Variants in PLCXD2 observed in about 807,000 individuals in gnomAD.
PLCXD2 encodes the protein PI-PLC X domain-containing protein 2.
A neutral mutation model predicts 28.6 loss-of-function variants in PLCXD2; 21 were observed. The observed-to-expected ratio is 0.73, with a 90% CI of 0.52 to 1.06. PLCXD2 has a LOEUF of 1.06. PLCXD2 is among the 50% of genes least tolerant of loss of function. PLCXD2 has a pLI of 0.00. For synonymous variants in PLCXD2, 140 were observed against 150.1 expected, an observed-to-expected ratio of 0.93 and a Z score of 0.49; for missense variants, 369 against 376.7, an observed-to-expected ratio of 0.98 and a Z score of 0.17.
At chr3:111,707,453 G>T (rs1941136941) in intron 1 of PLCXD2, among the ~76,000 whole-genome samples, 1 of 152,078 alleles carries the variant, frequency 6.6e-6, no homozygotes, top group African/African-American at 2.4e-5. Flanking sequence ...GAATAAAGTG[G>T]ATATACCACA....
chr3:111,722,565 C>T (rs921896059), intron 3 of PLCXD2: 4 of 152,330 alleles, frequency 2.6e-5, no homozygotes, highest in Non-Finnish European at 4.4e-5. Flanking sequence ...GAAATGTGTG[C>T]ACTTTGTTGC....
chr3:111,690,643 C>T (rs995003075), intron 1 of PLCXD2, among the ~76,000 whole-genome samples: 2 of 152,190 alleles, frequency 1.3e-5, no homozygotes, highest in Admixed American at 1.3e-4. Flanking sequence ...TTTAAGCCCA[C>T]CATTTCATGT....
rs59865042 is a variant in PLCXD2 at position 111,719,573 on chromosome 3, G to A, written c.866+5445G>A. Among the ~76,000 whole-genome samples, 614 of 152,290 alleles carry A rather than the reference G, an allele frequency of 4.0e-3. 4 individuals are homozygous for A. The highest frequency in any genetic ancestry group is 0.013 in the African/African-American group (553 of 41,558). ...CTCTTCATTGATTTTGAAAGGCAAC[G>A]AACTACTGATACATGCAGCAACGTG... On this transcript the variant is annotated intron_variant, in intron 3 of 4. Transcript: ENST00000477665.
chr3:111,683,622 A>G (rs1940749688), intron 1 of PLCXD2, among the ~76,000 whole-genome samples: 1 of 152,196 alleles, frequency 6.6e-6, no homozygotes, highest in Admixed American at 6.5e-5. Context: ...TCTCCTAGGC[A>G]CTGGTGATTC....
At chr3:111,723,317 C>A (rs1023518236) in intron 3 of PLCXD2, 1 of 152,198 alleles carries the variant, frequency 6.6e-6, no homozygotes, top group Admixed American at 6.5e-5. Context: ...CAGTAACACC[C>A]AAGGGCTGCT....
intron 3 of PLCXD2, among the ~76,000 whole-genome samples, chr3:111,715,286 T>C (rs187175461): frequency 1.3e-5 from 2 of 152,342 alleles, no homozygotes; most frequent in Admixed American, 1.3e-4. Flanking sequence ...GTTTTAATAA[T>C]ATGTTTGTGT....
In PLCXD2 at chr3:111,706,558, G is replaced by T. The variant is rs117004635; in HGVS notation, c.164-1368G>T. 9.4e-4 allele frequency among the ~76,000 whole-genome samples: 143 copies of T among 151,918 alleles called. 4 individuals carry two copies. The East Asian group carries it at 0.025, about 27-fold the overall frequency. On this transcript the variant is annotated intron_variant, in intron 1 of 4. Coordinates refer to ENST00000477665, the MANE Select transcript of PLCXD2 (RefSeq NM_001185106.1). ...GTAATTAGAAAATAATTAACAAAAT[G>T]ACAAGGACTAAGTCCTCATCTATCA...
chr3:111,690,018 A>G (rs569001693), intron 1 of PLCXD2, among the ~76,000 whole-genome samples: 1 of 152,228 alleles, frequency 6.6e-6, no homozygotes, highest in Non-Finnish European at 1.5e-5. Context: ...ATTAATTATT[A>G]TAATAAATTA....
At chr3:111,726,188 G>A (rs1398752) in intron 3 of PLCXD2, 256,493 of 263,320 alleles carry the variant, frequency 0.97, 124,953 homozygotes, top group East Asian at 1. Flanking sequence ...TACATTTGCA[G>A]TTTTACATTT....
chr3:111,708,454 C>A, intron 2 of PLCXD2, 68 bp downstream of exon 2: 1 of 1,419,680 alleles, frequency 7.0e-7, no homozygotes, highest in Admixed American at 2.0e-5. Flanking sequence ...CCTGTATTGC[C>A]GTCTGTAAAA....
At chr3:111,685,725 CA>C (rs1940785101) in intron 1 of PLCXD2, among the ~76,000 whole-genome samples, 1 of 152,166 alleles carries the variant, frequency 6.6e-6, no homozygotes. Flanking sequence ...GGTTACTTCA[CA>C]AAAAGATGAC....
At chr3:111,724,971 T>G (rs1941396491) in intron 3 of PLCXD2, 7 of 152,228 alleles carry the variant, frequency 4.6e-5, no homozygotes, top group Admixed American at 4.6e-4. Flanking sequence ...TTAGATTAAA[T>G]GCCTTATACT....
chr3:111,692,995 GT>G (rs1940909644), intron 1 of PLCXD2, among the ~76,000 whole-genome samples: 1 of 152,162 alleles, frequency 6.6e-6, no homozygotes, highest in African/African-American at 2.4e-5. Flanking sequence ...AAGGGAAATA[GT>G]TCAATAACGT....
chr3:111,704,817 A>T (rs1941094814), intron 1 of PLCXD2, among the ~76,000 whole-genome samples: 2 of 144,766 alleles, frequency 1.4e-5, no homozygotes, highest in Admixed American at 6.9e-5. Flanking sequence ...ATCTAGCATA[A>T]TTTTTTTTTT....
intron 1 of PLCXD2, among the ~76,000 whole-genome samples, chr3:111,702,051 G>T: frequency 6.6e-6 from 1 of 152,122 alleles, no homozygotes; most frequent in East Asian, 1.9e-4. Flanking sequence ...AGCTTTTGGT[G>T]TCATCTGCAT....
rs141031894 is a variant in PLCXD2, at chr3:111,702,929, A to G, written c.164-4997A>G. Among the ~76,000 whole-genome samples the G allele has an allele frequency of 9.5e-4, 144 of 152,334 alleles. 1 individual carries two copies. The highest frequency in any genetic ancestry group is 3.4e-3 in the Middle Eastern group (1 of 294). ...TTTGTAAGTACTATTTGCAGATTACATGGTTTATAAATATTGTATGTGCAG... is the reference window on the plus strand; with the variant it reads ...TTTGTAAGTACTATTTGCAGATTACGTGGTTTATAAATATTGTATGTGCAG... On this transcript the variant is annotated intron_variant, in intron 1 of 4. Transcript: ENST00000477665.
At chr3:111,711,907 G>T (rs1196710804) in intron 2 of PLCXD2, among the ~76,000 whole-genome samples, 1 of 152,186 alleles carries the variant, frequency 6.6e-6, no homozygotes, top group Non-Finnish European at 1.5e-5. Context: ...AGAATGACCA[G>T]AATAAGAGGA....
At chr3:111,689,364 G>C (rs900163397) in intron 1 of PLCXD2, among the ~76,000 whole-genome samples, 1 of 152,222 alleles carries the variant, frequency 6.6e-6, no homozygotes, top group African/African-American at 2.4e-5. Flanking sequence ...AAGCCAGTTG[G>C]AGAGAGATTT....
At chr3:111,697,972 T>A (rs1203505440) in intron 1 of PLCXD2, among the ~76,000 whole-genome samples, 4 of 152,200 alleles carry the variant, frequency 2.6e-5, no homozygotes, top group African/African-American at 9.6e-5. Context: ...TGATGTTGAT[T>A]TTGGGTGTAA....
Sources: allele counts gnomAD v4.1 joint callset (sites outside exome capture counted in the v4.1 genomes callset), GRCh38; gene constraint gnomAD v4.1.1; transcripts MANE v1.5; gene names NCBI Gene and HGNC (gene_info 2026-07-23, HGNC 2026-07-21).